TBC1D22A: variants seen among roughly 807,000 people sequenced by gnomAD.
TBC1D22A encodes putative GTPase activator.
A neutral mutation model predicts 60.2 loss-of-function variants in TBC1D22A; 38 were observed. The ratio of observed to expected loss-of-function variants is 0.63; its 90% confidence interval spans 0.49 to 0.83. TBC1D22A has a LOEUF of 0.83. Ranked by LOEUF, TBC1D22A falls within the 40% of genes least tolerant of loss-of-function variation. The pLI is 0.00. For missense variants in TBC1D22A, 628 were observed against 701.0 expected, an observed-to-expected ratio of 0.90 and a Z score of 1.18; for synonymous variants, 302 against 281.7, an observed-to-expected ratio of 1.07 and a Z score of -0.72.
chr22:46,813,798 C>T (rs1360546164), intron 4 of TBC1D22A, among the ~76,000 whole-genome samples: 1 of 152,230 alleles, frequency 6.6e-6, no homozygotes, highest in East Asian at 1.9e-4. Flanking sequence ...CTGTGCTGGG[C>T]CCCGGAGGCT....
intron 1 of TBC1D22A, chr22:46,763,758 T>C (rs2083192142): frequency 6.6e-6 from 1 of 152,160 alleles, no homozygotes; most frequent in Non-Finnish European, 1.5e-5. Flanking sequence ...ATTGTTTGAG[T>C]GTTTGAATGA....
chr22:46,841,278 T>C (rs1376621511), intron 4 of TBC1D22A, among the ~76,000 whole-genome samples: 1 of 152,188 alleles, frequency 6.6e-6, no homozygotes, highest in Non-Finnish European at 1.5e-5. Flanking sequence ...GTGGGTTCAC[T>C]CTCTTCTGCT....
rs568578333 is a variant in TBC1D22A, at chr22:46,798,761, C to T, written c.637+1141C>T. On this transcript the variant is annotated intron_variant, in intron 4 of 12. Transcript: ENST00000337137. ...GGCACTCTAAGAGCCAGAGGTGCAA[C>T]GCCTGGCTTGGCCAGGAGGTGGCGA... 5.3e-5 allele frequency among the ~76,000 whole-genome samples: 8 copies of T among 152,360 alleles called. No homozygotes were observed. In the East Asian group the frequency reaches 1.2e-3, roughly 22 times the overall value.
At chr22:46,767,023 G>A (rs547858230) in intron 1 of TBC1D22A, among the ~76,000 whole-genome samples, 5 of 152,290 alleles carry the variant, frequency 3.3e-5, no homozygotes, top group African/African-American at 1.2e-4. Flanking sequence ...TGTTTATTCC[G>A]AACTATCTCC....
At chr22:47,029,136 T>C (rs539968392) in intron 10 of TBC1D22A, among the ~76,000 whole-genome samples, 29 of 152,300 alleles carry the variant, frequency 1.9e-4, no homozygotes, top group African/African-American at 6.5e-4. Context: ...TGGAGAATCA[T>C]GGGACGAAAT....
At chr22:47,017,018 C>G (rs946180337) in intron 10 of TBC1D22A, among the ~76,000 whole-genome samples, 1 of 152,254 alleles carries the variant, frequency 6.6e-6, no homozygotes, top group African/African-American at 2.4e-5. Flanking sequence ...TTTTCTAACT[C>G]TAGTTTTCCT....
chr22:46,891,259 C>T lies in TBC1D22A; in HGVS notation c.709-7C>T, dbSNP rs1257052876. On this transcript the variant is annotated splice_polypyrimidine_tract_variant and splice_region_variant and intron_variant, in intron 5 of 12. Coordinates refer to ENST00000337137, the MANE Select transcript of TBC1D22A (RefSeq NM_014346.5). ...CCATGTATATTTTTTGTTTATTTCT[C>T]ACCCAGGGTTACCTTCCCGCCAATG... 33 of 1,599,658 alleles carry T rather than the reference C, an allele frequency of 2.1e-5. No homozygotes were observed. Among genetic ancestry groups the T allele is most frequent in the Non-Finnish European group, 2.7e-5 (32 of 1,175,688 alleles).
chr22:46,772,814 T>G (rs1432235814), intron 1 of TBC1D22A, among the ~76,000 whole-genome samples: 1 of 151,854 alleles, frequency 6.6e-6, no homozygotes, highest in East Asian at 1.9e-4. Flanking sequence ...GCCCAGCTAA[T>G]TTTTGTATTT....
At chr22:47,139,324 A>T (rs2066993805) in intron 12 of TBC1D22A, among the ~76,000 whole-genome samples, 1 of 152,198 alleles carries the variant, frequency 6.6e-6, no homozygotes, top group Non-Finnish European at 1.5e-5. Context: ...GACACCGCTG[A>T]CACAAGCCAC....
At chr22:46,992,276 G>A (rs1399839571) in intron 9 of TBC1D22A, among the ~76,000 whole-genome samples, 1 of 152,266 alleles carries the variant, frequency 6.6e-6, no homozygotes, top group Non-Finnish European at 1.5e-5. Context: ...GGACACGCTG[G>A]ATCCCTCCAG....
At chr22:47,110,178 T>C (rs1398351810) in intron 11 of TBC1D22A, among the ~76,000 whole-genome samples, 3 of 152,178 alleles carry the variant, frequency 2.0e-5, no homozygotes, top group Non-Finnish European at 1.5e-5. Context: ...TTCTCTGCCA[T>C]GTGTCTAAAT....
chr22:46,899,332 A>C (rs1405714033), intron 7 of TBC1D22A, among the ~76,000 whole-genome samples: 11 of 152,074 alleles, frequency 7.2e-5, no homozygotes. Flanking sequence ...CTGTAGTCCC[A>C]GCTACTTGGG....
chr22:47,149,161 GC>G (rs1198883756), intron 12 of TBC1D22A, among the ~76,000 whole-genome samples: 10 of 152,182 alleles, frequency 6.6e-5, no homozygotes, highest in Non-Finnish European at 1.5e-4. Flanking sequence ...TGGCTCGGGG[GC>G]CCTTCCAGAG....
intron 11 of TBC1D22A, among the ~76,000 whole-genome samples, chr22:47,078,785 G>A (rs554762564): frequency 2.0e-5 from 3 of 152,340 alleles, no homozygotes; most frequent in African/African-American, 7.2e-5. Flanking sequence ...TTCTAGTTAA[G>A]AAGGCTTTCC....
intron 12 of TBC1D22A, among the ~76,000 whole-genome samples, chr22:47,137,520 C>G (rs1453840806): frequency 6.6e-6 from 1 of 152,182 alleles, no homozygotes; most frequent in Non-Finnish European, 1.5e-5. Context: ...TCCTAGGTCT[C>G]CCTGACTGCA....
intron 11 of TBC1D22A, among the ~76,000 whole-genome samples, chr22:47,074,863 T>TG (rs1277847245): frequency 1.3e-5 from 2 of 152,230 alleles, no homozygotes; most frequent in Non-Finnish European, 2.9e-5. Context: ...TCAGTGTTCT[T>TG]GTGAGCATCT....
chr22:47,046,955 ACTTT>A (rs2063054888), intron 11 of TBC1D22A, among the ~76,000 whole-genome samples: 1 of 152,220 alleles, frequency 6.6e-6, no homozygotes. Context: ...CAAAGAGTGT[ACTTT>A]CTTTGGGGCA....
At chr22:47,143,101 A>G (rs545351310) in intron 12 of TBC1D22A, among the ~76,000 whole-genome samples, 51 of 151,672 alleles carry the variant, frequency 3.4e-4, no homozygotes, top group African/African-American at 1.1e-3. Flanking sequence ...AGAGTGCCCC[A>G]CCTAAGCCTT....
At chr22:46,909,801 CCA>C in intron 7 of TBC1D22A, among the ~76,000 whole-genome samples, 1 of 152,288 alleles carries the variant, frequency 6.6e-6, no homozygotes, top group Non-Finnish European at 1.5e-5. Flanking sequence ...CTTCAGGGAC[CCA>C]GCCTGCCTGT....
Sources: allele counts gnomAD v4.1 joint callset (sites outside exome capture counted in the v4.1 genomes callset), GRCh38; gene constraint gnomAD v4.1.1; transcripts MANE v1.5; gene names NCBI Gene and HGNC (gene_info 2026-07-23, HGNC 2026-07-21).